Variants in CC2D1A observed in about 807,000 individuals in gnomAD.
The protein encoded by CC2D1A is coiled-coil and C2 domain containing 1A, also known as coiled-coil and C2 domain-containing protein 1A.
In CC2D1A, 68 loss-of-function variants were observed where a neutral mutation model predicts 123.8. That is an observed-to-expected ratio of 0.55 (90% confidence interval 0.45 to 0.67). The LOEUF is 0.67. CC2D1A is among the 30% of genes least tolerant of loss of function. The probability of loss-of-function intolerance (pLI) is 0.00; values close to 1 mark genes in which losing one functional copy is unlikely to be tolerated. For missense variants in CC2D1A, 1,185 were observed against 1,290.3 expected (o/e 0.92, Z 1.25); for synonymous variants, 477 against 528.0 (o/e 0.90, Z 1.32).
chr19:13,920,569 G>A lies in CC2D1A; in HGVS notation c.1369G>A (p.Val457Met), dbSNP rs1266484672. The change falls in exon 13 of 29, where the codon GTG becomes ATG. Residue 457 changes from valine (V) to methionine (M), a missense_variant. Coordinates refer to ENST00000318003, the MANE Select transcript of CC2D1A (RefSeq NM_017721.5). ...DEVPKKQNSP[V>M]APTAQPKAPP... ...TCTTCCTCTACAGCAGAACAGCCCT[G>A]TGGCCCCCACAGCCCAGCCCAAAGC... is the stretch of plus-strand genomic sequence containing the variant. 5 of 1,596,658 alleles carry A rather than the reference G, an allele frequency of 3.1e-6. No individual in the cohort carries two copies. In the South Asian group the frequency reaches 5.6e-5, roughly 18 times the overall value.
rs1568421715 is a variant in CC2D1A at position 13,928,167 on chromosome 19, C to T, written c.2498C>T (p.Pro833Leu). 9.9e-6 allele frequency: 16 copies of T among 1,613,482 alleles called. No homozygotes were observed. In the Admixed American group the frequency reaches 2.7e-4, roughly 27 times the overall value. Reference sequence around the variant, plus strand: ...GGGAAGGCCCCTCCTGTGCCTGCCCCTGCAAGGGAGTCAGGGAACAGGTAG... The same window carrying T: ...GGGAAGGCCCCTCCTGTGCCTGCCCTTGCAAGGGAGTCAGGGAACAGGTAG... ...PKGKAPPVPA[P>L]ARESGNRSAR... The change falls in exon 24 of 29, where the codon CCT becomes CTT. Residue 833 changes from proline to leucine, a missense_variant. Coordinates refer to ENST00000318003, the MANE Select transcript of CC2D1A (RefSeq NM_017721.5).
At chr19:13,927,784 AAAAAAAAAAAACC>A (rs1015428234) in intron 22 of CC2D1A, 96 bp from the exon 23 acceptor site, 92 of 841,514 alleles carry the variant, frequency 1.1e-4, no homozygotes, top group East Asian at 8.7e-4. Context: ...TCTATCTCAG[AAAAAAAAAAAACC>A]AAAAAAAAAA....
At chr19:13,926,030 A>ATATATATATATATATGTATATATATGTG (rs1971616237) in intron 17 of CC2D1A, among the ~76,000 whole-genome samples, 1 of 87,688 alleles carries the variant, frequency 1.1e-5, no homozygotes, top group African/African-American at 7.4e-5. Flanking sequence ...ATATATGTGT[A>ATATATATATATATATGTATATATATGTG]TATATATATA....
rs759744533 is a variant in CC2D1A at position 13,923,817 on chromosome 19, G to C, written c.1940+6G>C. The C allele has an allele frequency of 3.4e-5, 54 of 1,606,974 alleles. No individual in the cohort carries two copies. The South Asian group carries it at 5.1e-4, about 15-fold the overall frequency. Reference sequence around the variant, plus strand: ...AGGACCTTCAGCGTCATCAAGTAAGGCTCCTGATCTACGCCCCACCACGTG... The same window carrying C: ...AGGACCTTCAGCGTCATCAAGTAAGCCTCCTGATCTACGCCCCACCACGTG... On this transcript the variant is annotated splice_donor_region_variant and intron_variant, in intron 17 of 28. Coordinates refer to ENST00000318003, the MANE Select transcript of CC2D1A (RefSeq NM_017721.5). The surrounding 1 kb of genome is among the most constrained non-coding windows in gnomAD (Gnocchi z 5.3).
At chr19:13,925,922 A>G (rs2145359638) in intron 17 of CC2D1A, among the ~76,000 whole-genome samples, 1 of 100,248 alleles carries the variant, frequency 1.0e-5, no homozygotes, top group Non-Finnish European at 2.0e-5. Context: ...TCTGTCTAAA[A>G]AAAAAAAAAA....
chr19:13,909,244 C>T lies in CC2D1A; in HGVS notation c.61-579C>T, dbSNP rs540916598. ...AAAAAAAATTAGCCGGGCGTGGTGG[C>T]GGGCGCCTGTAGTCCCAGCTACTCG... is the stretch of plus-strand genomic sequence containing the variant. On this transcript the variant is annotated intron_variant, in intron 1 of 28. Transcript: ENST00000318003. 4.0e-3 allele frequency among the ~76,000 whole-genome samples: 607 copies of T among 151,930 alleles called. 3 individuals carry two copies. Among genetic ancestry groups the T allele is most frequent in the African/African-American group, 0.014 (579 of 41,454 alleles).
At chr19:13,928,427 T>C (rs1971734248) in intron 24 of CC2D1A, among the ~76,000 whole-genome samples, 1 of 152,070 alleles carries the variant, frequency 6.6e-6, no homozygotes, top group South Asian at 2.1e-4. Context: ...CTCCTGTGGT[T>C]CATGTCCATG....
At position 13,926,861 on chromosome 19, in the gene CC2D1A, C is replaced by T; in HGVS notation, c.2114C>T (p.Thr705Ile). 1 of 1,614,134 alleles carries T rather than the reference C, an allele frequency of 6.2e-7. No individual in the cohort carries two copies. The highest frequency in any genetic ancestry group is 8.5e-7 in the Non-Finnish European group (1 of 1,180,012). ...GACAAGACCAGTGTGATCAAGAACA[C>T]AGACTCCCCTGGTGAGCCTCGGCTG... ...QKDKTSVIKNTDSPEFKEQFK... is the reference protein window; with the variant it reads ...QKDKTSVIKNIDSPEFKEQFK... Residue 705 changes from threonine (T) to isoleucine (I), a missense_variant, in exon 20 of 29, where the codon ACA becomes ATA. By Grantham distance (89) the Thr-to-Ile change is moderately conservative. Transcript: ENST00000318003.
intron 14 of CC2D1A, among the ~76,000 whole-genome samples, chr19:13,922,653 G>T (rs895190346): frequency 7.9e-5 from 12 of 152,176 alleles, no homozygotes; most frequent in Non-Finnish European, 1.5e-4. Context: ...GAGAATGTCA[G>T]CCCCACGAGG....
rs905102067 is a variant in CC2D1A at position 13,930,506 on chromosome 19, T to C, written c.*111T>C. 3.9e-6 allele frequency: 5 copies of C among 1,268,010 alleles called. No individual in the cohort carries two copies. Among genetic ancestry groups the C allele is most frequent in the Middle Eastern group, 2.8e-4 (1 of 3,634 alleles). The allele number at this position is 1,268,010 out of a possible 1,614,324, so 78.5% of individuals were successfully genotyped here. On this transcript the variant is annotated 3_prime_UTR_variant, in exon 29 of 29. Transcript: ENST00000318003. The surrounding 1 kb of genome is among the most constrained non-coding windows in gnomAD (Gnocchi z 6.8). ...CAGACAATCAGCGGACAATCGGTTCTGGACTCACCCCTCATCCGGGCCCCC... is the reference window on the plus strand; with the variant it reads ...CAGACAATCAGCGGACAATCGGTTCCGGACTCACCCCTCATCCGGGCCCCC...
Position 13,912,360 on chromosome 19 carries a change from C to T in CC2D1A, c.234C>T (p.Ser78=), listed in dbSNP as rs1469310608. The change falls in exon 3 of 29, where the codon AGC becomes AGT. Residue 78 remains serine, a synonymous_variant. Transcript: ENST00000318003. ...TGGAGGCCATTGAGAAGATGGCCAG[C>T]CTGTGCATGAGAGACCCGGATGAGG... The part of the protein sequence containing the change: ...LPMEAIEKMA[S]LCMRDPDEDE... 7.4e-6 allele frequency: 12 copies of T among 1,612,558 alleles called. No individual in the cohort carries two copies. The South Asian group carries it at 1.3e-4, about 18-fold the overall frequency.
At chr19:13,919,455 C>T (rs1169362884) in intron 11 of CC2D1A, among the ~76,000 whole-genome samples, 1 of 152,282 alleles carries the variant, frequency 6.6e-6, no homozygotes, top group Non-Finnish European at 1.5e-5. Context: ...AATTGGCAAA[C>T]CGGCTGGACG....
chr19:13,930,765 C>T lies in CC2D1A; in HGVS notation c.*370C>T, dbSNP rs1971881503. ...GCCTTAACCCCAAAGCCCTCCTGCA[C>T]CCCAAAGAAGCCACTGAGGCTGGCC... On this transcript the variant is annotated 3_prime_UTR_variant, in exon 29 of 29. Transcript: ENST00000318003. This position sits in a 1 kb window ranked among gnomAD's most constrained non-coding sequence, Gnocchi z 6.8. 9.2e-6 allele frequency: 3 copies of T among 326,668 alleles called. No individual in the cohort carries two copies. The highest frequency in any genetic ancestry group is 1.7e-5 in the Non-Finnish European group (3 of 177,968). 20.2% of individuals were successfully genotyped at this position (326,668 alleles called of 1,614,324 possible).
chr19:13,920,398 A>T (rs1485663124), intron 12 of CC2D1A, 159 bp from the exon 13 acceptor site: 1 of 608,434 alleles, frequency 1.6e-6, no homozygotes, highest in East Asian at 3.0e-5. Context: ...AAAAAAAAAA[A>T]GGTGTTTGGG....
At chr19:13,907,281 A>G (rs939862691) in intron 1 of CC2D1A, among the ~76,000 whole-genome samples, 1 of 151,912 alleles carries the variant, frequency 6.6e-6, no homozygotes, top group Non-Finnish European at 1.5e-5. Flanking sequence ...GCATGGTGGC[A>G]TGTGCCTGTA....
chr19:13,918,627 A>C, intron 8 of CC2D1A, 51 bp downstream of exon 8: 1 of 1,597,602 alleles, frequency 6.3e-7, no homozygotes, highest in South Asian at 1.1e-5. Flanking sequence ...GCATACACTA[A>C]GTTCTCCTTG....
chr19:13,929,447 GTATCCA>G lies in CC2D1A; in HGVS notation c.2583+7_2583+12del, dbSNP rs1311684462. On this transcript the variant is annotated splice_donor_region_variant and intron_variant, in intron 25 of 28. Coordinates refer to ENST00000318003, the MANE Select transcript of CC2D1A (RefSeq NM_017721.5). ...CAAGAGCGTCTGGAGCGGAAGGTGG[GTATCCA>G]TCCTGCCGGGCTACATGGGGCAGGA... is the stretch of plus-strand genomic sequence containing the variant. 1 of 1,613,126 alleles carries G rather than the reference GTATCCA, an allele frequency of 6.2e-7. No individual in the cohort carries two copies. Among genetic ancestry groups the G allele is most frequent in the Non-Finnish European group, 8.5e-7 (1 of 1,179,940 alleles).
chr19:13,909,073 C>T (rs1273641044), intron 1 of CC2D1A, among the ~76,000 whole-genome samples: 1 of 152,098 alleles, frequency 6.6e-6, no homozygotes, highest in African/African-American at 2.4e-5. Context: ...ACCACAGGCA[C>T]ACAGCACAAC....
In CC2D1A at chr19:13,923,220, G is replaced by A; in HGVS notation, c.1642-113G>A. 7.9e-7 allele frequency: 1 copy of A among 1,270,938 alleles called. No homozygotes were observed. Among genetic ancestry groups the A allele is most frequent in the Non-Finnish European group, 1.1e-6 (1 of 927,886 alleles). The allele number at this position is 1,270,938 out of a possible 1,614,324, so 78.7% of individuals were successfully genotyped here. On this transcript the variant is annotated intron_variant, in intron 14 of 28. Coordinates refer to ENST00000318003, the MANE Select transcript of CC2D1A (RefSeq NM_017721.5). The surrounding 1 kb of genome is among the most constrained non-coding windows in gnomAD (Gnocchi z 5.3). ...AAAAAAAAAAAGACCAGAGAAGGGT[G>A]ACAGAGCCGTGGTCAGGGAATGCCC...
Sources: allele counts gnomAD v4.1 joint callset (sites outside exome capture counted in the v4.1 genomes callset), GRCh38; gene constraint gnomAD v4.1.1; non-coding constraint Gnocchi (gnomAD v3.1); transcripts MANE v1.5; gene names NCBI Gene and HGNC (gene_info 2026-07-23, HGNC 2026-07-21).